IGSF9B: variants seen among roughly 807,000 people sequenced by gnomAD.
IGSF9B encodes the protein immunoglobulin superfamily member 9B, also known as protein turtle homolog B.
A neutral mutation model predicts 143.7 loss-of-function variants in IGSF9B; 48 were observed. The ratio of observed to expected loss-of-function variants is 0.33; its 90% CI spans 0.26 to 0.42. The LOEUF is 0.42. IGSF9B is among the 20% of genes least tolerant of loss of function. IGSF9B has a pLI of 1.00. For synonymous variants in IGSF9B, 903 were observed against 833.1 expected (o/e 1.08, Z -1.44); for missense variants, 1,706 against 1,980.0 (o/e 0.86, Z 2.63).
chr11:133,931,257 G>A lies in IGSF9B; in HGVS notation c.1369-123C>T. ...CGCCCACGCTGCCCTCCTCCCGAGT[G>A]CCTGCCGCTCTTCAGGGTCAGCTCA... On this transcript the variant is annotated intron_variant, in intron 10 of 19. Coordinates refer to ENST00000533871, the MANE Select transcript of IGSF9B (RefSeq NM_001277285.4). The surrounding 1 kb of genome is among the most constrained non-coding windows in gnomAD (Gnocchi z 7.7). The A allele has an allele frequency of 9.4e-7, 1 of 1,068,082 alleles. No homozygotes were observed. The highest frequency in any genetic ancestry group is 1.4e-6 in the Non-Finnish European group (1 of 727,738). 66.2% of individuals were successfully genotyped at this position (1,068,082 alleles called of 1,614,324 possible). A position where few individuals can be genotyped will look rare whatever the true frequency, so the allele number is the denominator to read the frequency against.
chr11:133,927,188 G>T, intron 12 of IGSF9B, 97 bp from the exon 13 acceptor site: 1 of 984,096 alleles, frequency 1.0e-6, no homozygotes, highest in Non-Finnish European at 1.5e-6. Flanking sequence ...AGAAGGCACT[G>T]GTGGGCCTGG....
At chr11:133,912,320 G>C (rs1347017668) in intron 18 of IGSF9B, 4 of 521,166 alleles carry the variant, frequency 7.7e-6, no homozygotes, top group Non-Finnish European at 1.5e-5. Context: ...AAGCTGGGAT[G>C]CATTTAGTGT....
At position 133,906,491 on chromosome 11, in the gene IGSF9B, G is replaced by C. The variant is rs1417052617; in HGVS notation, c.*2578C>G. ...AGCCACAGCACAGCAGCCACTCGGT[G>C]ACCAGCGAAAAGCACGGCTCCCCGC... On this transcript the variant is annotated 3_prime_UTR_variant, in exon 20 of 20. Transcript: ENST00000533871. Among the ~76,000 whole-genome samples, 1 of 152,216 alleles carries C rather than the reference G, an allele frequency of 6.6e-6. No individual in the cohort carries two copies. The highest frequency in any genetic ancestry group is 1.5e-5 in the Non-Finnish European group (1 of 68,048).
Position 133,922,657 on chromosome 11 carries a change from G to T in IGSF9B, c.2193C>A (p.Ile731=), listed in dbSNP as rs1302799477. The T allele has an allele frequency of 6.3e-7, 1 of 1,595,830 alleles. No individual in the cohort carries two copies. Among genetic ancestry groups the T allele is most frequent in the Non-Finnish European group, 8.5e-7 (1 of 1,170,748 alleles). Residue 731 remains isoleucine, a synonymous_variant, in exon 16 of 20, where the codon ATC becomes ATA. Transcript: ENST00000533871. ...ACAGGATGGCAGCTGCCAAGAAGCA[G>T]ATGGTAGCTACGATTCCCGCCAGCA... The part of the protein sequence containing the change: ...RPVLAGIVAT[I]CFLAAAILFS...
chr11:133,931,983 G>A lies in IGSF9B; in HGVS notation c.1110+88C>T, dbSNP rs970536581. ...CCAGGGCTTTTGGAAGGGGCCAGGAGTCCTGGCAGAAATCCAGAGCCCAGA... is the reference window on the plus strand; with the variant it reads ...CCAGGGCTTTTGGAAGGGGCCAGGAATCCTGGCAGAAATCCAGAGCCCAGA... On this transcript the variant is annotated intron_variant, in intron 8 of 19. Transcript: ENST00000533871. The surrounding 1 kb of genome is among the most constrained non-coding windows in gnomAD (Gnocchi z 7.7). 10 of 1,523,804 alleles carry A rather than the reference G, an allele frequency of 6.6e-6. No individual in the cohort carries two copies. The highest frequency in any genetic ancestry group is 8.0e-6 in the Non-Finnish European group (9 of 1,127,544). The allele number at this position is 1,523,804 out of a possible 1,614,324, so 94.4% of individuals were successfully genotyped here. A position where few individuals can be genotyped will look rare whatever the true frequency, so the allele number is the denominator to read the frequency against.
intron 18 of IGSF9B, chr11:133,918,898 G>A (rs1220550185): frequency 8.8e-6 from 4 of 452,972 alleles, no homozygotes; most frequent in Non-Finnish European, 4.4e-6. Context: ...CGATGGTGAG[G>A]AAGGAAGATA....
Position 133,931,345 on chromosome 11 carries a change from C to T in IGSF9B, c.1368+108G>A, listed in dbSNP as rs997054231. On this transcript the variant is annotated intron_variant, in intron 10 of 19. Coordinates refer to ENST00000533871, the MANE Select transcript of IGSF9B (RefSeq NM_001277285.4). The surrounding 1 kb of genome is among the most constrained non-coding windows in gnomAD (Gnocchi z 7.7). ...TAGAACTGCTCGCTGGGCCCTCACA[C>T]CTCCCCTCAGCCCCGGGGCTCGCTG... 1 of 887,140 alleles carries T rather than the reference C, an allele frequency of 1.1e-6. No individual in the cohort carries two copies. Among genetic ancestry groups the T allele is most frequent in the Admixed American group, 2.5e-5 (1 of 39,954 alleles). 55.0% of individuals were successfully genotyped at this position (887,140 alleles called of 1,614,324 possible). A position where few individuals can be genotyped will look rare whatever the true frequency, so the allele number is the denominator to read the frequency against.
At chr11:133,940,372 G>A (rs540964356) in intron 3 of IGSF9B, among the ~76,000 whole-genome samples, 1 of 119,900 alleles carries the variant, frequency 8.3e-6, no homozygotes, top group East Asian at 2.7e-4. Flanking sequence ...CACACACCTC[G>A]CACGTCCTCG....
At position 133,919,884 on chromosome 11, in the gene IGSF9B, C is replaced by CCA; in HGVS notation, c.3840_3841insTG (p.Gly1281TrpfsTer67). 6.3e-7 allele frequency: 1 copy of CCA among 1,584,794 alleles called. No individual in the cohort carries two copies. Among genetic ancestry groups the CCA allele is most frequent in the South Asian group, 1.1e-5 (1 of 87,072 alleles). On this transcript the variant is annotated frameshift_variant, in exon 18 of 20. Coordinates refer to ENST00000533871, the MANE Select transcript of IGSF9B (RefSeq NM_001277285.4). LOFTEE classifies it high-confidence loss of function. ...GGGCCGGGTGGAGGGGAAGGGTAGC[C>CCA]GGTGGCCAGAGTGGTGAAGCCCATG...
In IGSF9B at chr11:133,902,984, C is replaced by A. The variant is rs1468905651; in HGVS notation, c.*6085G>T. Among the ~76,000 whole-genome samples, 1 of 152,104 alleles carries A rather than the reference C, an allele frequency of 6.6e-6. No homozygotes were observed. Among genetic ancestry groups the A allele is most frequent in the Non-Finnish European group, 1.5e-5 (1 of 68,028 alleles). ...GTGCATGCCCGCAGCATTTCTAAGG[C>A]CGAAAATGCAAGTCACCTCCCCAGC... On this transcript the variant is annotated 3_prime_UTR_variant, in exon 20 of 20. Coordinates refer to ENST00000533871, the MANE Select transcript of IGSF9B (RefSeq NM_001277285.4).
At chr11:133,947,786 G>A (rs1940083113) in intron 1 of IGSF9B, among the ~76,000 whole-genome samples, 1 of 150,058 alleles carries the variant, frequency 6.7e-6, no homozygotes, top group Non-Finnish European at 1.5e-5. Context: ...TCCTCTGTGT[G>A]TCTGTCTGTC....
chr11:133,924,949 T>C, intron 14 of IGSF9B, 45 bp from the exon 15 acceptor site: 1 of 1,519,270 alleles, frequency 6.6e-7, no homozygotes, highest in South Asian at 1.1e-5. Flanking sequence ...GGACCTGAGA[T>C]GACCACTGTC....
rs370319757 is a variant in IGSF9B at position 133,920,194 on chromosome 11, G to C, written c.3531C>G (p.Pro1177=). 5 of 1,513,774 alleles carry C rather than the reference G, an allele frequency of 3.3e-6. No homozygotes were observed. In the East Asian group the frequency reaches 6.8e-5, roughly 21 times the overall value. The allele number at this position is 1,513,774 out of a possible 1,614,324, so 93.8% of individuals were successfully genotyped here. A position where few individuals can be genotyped will look rare whatever the true frequency, so the allele number is the denominator to read the frequency against. ...GCCTGGCCTGCCGAGGGCTAGGCCG[G>C]GGCCGGGGCTGGGGCTCATACCACC... is the stretch of plus-strand genomic sequence containing the variant. ...DTRWYEPQPR[P]RPSPRQARRA... The change falls in exon 18 of 20, where the codon CCC becomes CCG. Residue 1177 remains proline, a synonymous_variant. Transcript: ENST00000533871.
At chr11:133,955,200 CAGACTG>C (rs1241014757) in intron 1 of IGSF9B, among the ~76,000 whole-genome samples, 2 of 152,148 alleles carry the variant, frequency 1.3e-5, no homozygotes, top group Non-Finnish European at 2.9e-5. Flanking sequence ...AGGCTACAGG[CAGACTG>C]TCAAGCGCAG....
At chr11:133,924,703 C>T in intron 15 of IGSF9B, 117 bp downstream of exon 15, 1 of 817,724 alleles carries the variant, frequency 1.2e-6, no homozygotes, top group Non-Finnish European at 2.0e-6. Context: ...CAACCAGGCA[C>T]TGCCTTAGTT....
At chr11:133,951,083 C>T (rs1375240032) in intron 1 of IGSF9B, among the ~76,000 whole-genome samples, 1 of 152,136 alleles carries the variant, frequency 6.6e-6, no homozygotes, top group Non-Finnish European at 1.5e-5. Context: ...CCGGCAGACC[C>T]GGGGCTCTCA....
Position 133,903,679 on chromosome 11 carries a change from A to T in IGSF9B, c.*5390T>A, listed in dbSNP as rs1237398429. ...TTTCTAACAGCTTAAAATGAGGTTG[A>T]AAAAAACTTCCACCTTCTCGGCAAC... On this transcript the variant is annotated 3_prime_UTR_variant, in exon 20 of 20. Transcript: ENST00000533871. 6.6e-6 allele frequency among the ~76,000 whole-genome samples: 1 copy of T among 152,214 alleles called. No homozygotes were observed. Among genetic ancestry groups the T allele is most frequent in the Non-Finnish European group, 1.5e-5 (1 of 68,032 alleles).
intron 18 of IGSF9B, among the ~76,000 whole-genome samples, chr11:133,918,825 G>A (rs1472076775): frequency 3.9e-5 from 5 of 128,276 alleles, no homozygotes; most frequent in Non-Finnish European, 7.4e-5. Context: ...AGAGAGAAGA[G>A]GGCGGGGGAC....
At chr11:133,932,385 CAGA>C (rs1565437003) in intron 7 of IGSF9B, among the ~76,000 whole-genome samples, 172 bp from the exon 8 acceptor site, 1 of 138,294 alleles carries the variant, frequency 7.2e-6, no homozygotes, top group Non-Finnish European at 1.5e-5. Context: ...CGGGGACAGA[CAGA>C]CAGACACAGG....
Sources: gnomAD v4.1 joint callset for allele counts (sites outside exome capture counted in the v4.1 genomes callset) on GRCh38, gnomAD v4.1.1 for gene constraint, Gnocchi (gnomAD v3.1) non-coding constraint, MANE v1.5 for transcripts, NCBI Gene and HGNC (gene_info 2026-07-23, HGNC 2026-07-21) for gene names.